Variants in NTAN1 observed in about 807,000 individuals in gnomAD.
The protein encoded by NTAN1 is protein N-terminal asparagine amidohydrolase.
Under a neutral mutation model 41.9 loss-of-function variants are expected in NTAN1, and 32 were observed. The observed-to-expected ratio is 0.76, with a 90% CI of 0.58 to 1.03. The LOEUF (loss-of-function observed/expected upper bound fraction) is 1.03, where lower values mean the gene tolerates loss of function less well. NTAN1 is among the 50% of genes least tolerant of loss of function. The pLI, the probability that NTAN1 is intolerant of heterozygous loss-of-function variation, is 0.00. For missense variants in NTAN1, 377 were observed against 377.5 expected, an observed-to-expected ratio of 1.00 and a Z score of 0.01; for synonymous variants, 140 against 139.5, an observed-to-expected ratio of 1.00 and a Z score of -0.03.
At chr16:15,055,788 A>T (rs1388811217) in intron 1 of NTAN1, 103 bp downstream of exon 1, 1 of 611,180 alleles carries the variant, frequency 1.6e-6, no homozygotes, top group African/African-American at 1.9e-5. Flanking sequence ...CGGATGTGCC[A>T]ACAGCGCCAA....
chr16:15,043,615 C>A (rs1240001841), intron 5 of NTAN1, among the ~76,000 whole-genome samples: 1 of 137,446 alleles, frequency 7.3e-6, no homozygotes, highest in African/African-American at 2.5e-5. Flanking sequence ...GGTGGTTAGT[C>A]AACACACGAC....
chr16:15,041,593 C>G, intron 6 of NTAN1, 30 bp downstream of exon 6: 1 of 1,559,322 alleles, frequency 6.4e-7, no homozygotes, highest in South Asian at 1.1e-5. Flanking sequence ...AGACCCACAT[C>G]TTTGCTTTGG....
intron 7 of NTAN1, 91 bp downstream of exon 7, chr16:15,040,977 C>G: frequency 1.1e-6 from 1 of 883,716 alleles, no homozygotes; most frequent in South Asian, 1.3e-5. Context: ...CTGTCCCATC[C>G]TGACAGCAGT....
intron 5 of NTAN1, among the ~76,000 whole-genome samples, chr16:15,041,898 G>C (rs538899615): frequency 4.2e-4 from 64 of 152,288 alleles, no homozygotes; most frequent in African/African-American, 1.5e-3. Context: ...TCAGCCTCAG[G>C]CCCGAAGGAG....
chr16:15,042,633 C>T (rs1364451180), intron 5 of NTAN1, among the ~76,000 whole-genome samples: 1 of 152,212 alleles, frequency 6.6e-6, no homozygotes, highest in Non-Finnish European at 1.5e-5. Flanking sequence ...TACCGCTCAT[C>T]TTCAGGTTCA....
intron 1 of NTAN1, 141 bp from the exon 2 acceptor site, chr16:15,048,240 A>G (rs2044155435): frequency 1.6e-6 from 1 of 620,470 alleles, no homozygotes; most frequent in African/African-American, 1.8e-5. Context: ...GAGAGGCTCA[A>G]AGAAAAAGGC....
Position 15,038,145 on chromosome 16 carries a change from C to T in NTAN1, c.819G>A (p.Met273Ile), listed in dbSNP as rs1567750002. ...CTGGAGATGGGTGTTTTTTTAAAAA[C>T]ATCAAGGTAGATCTAATATGTTCAA... is the stretch of plus-strand genomic sequence containing the variant. ...HFVEHIRSTLMFLKKHPSPAH... is the reference protein window; with the variant it reads ...HFVEHIRSTLIFLKKHPSPAH... Residue 273 changes from methionine to isoleucine, a missense_variant, in exon 10 of 10, where the codon ATG (methionine) becomes ATA (isoleucine). By Grantham distance (10) the Met-to-Ile change is conservative. Coordinates refer to ENST00000287706, the MANE Select transcript of NTAN1 (RefSeq NM_173474.4). 1.9e-6 allele frequency: 3 copies of T among 1,613,144 alleles called. No individual in the cohort carries two copies. The highest frequency in any genetic ancestry group is 2.5e-6 in the Non-Finnish European group (3 of 1,179,324).
intron 1 of NTAN1, among the ~76,000 whole-genome samples, chr16:15,055,441 G>A (rs542861745): frequency 6.6e-6 from 1 of 152,194 alleles, no homozygotes; most frequent in Non-Finnish European, 1.5e-5. Context: ...CAGGCCAAAC[G>A]CTCTCCGAAG....
intron 6 of NTAN1, 26 bp downstream of exon 6, chr16:15,041,592 TCTTTG>T (rs1555580868): frequency 2.6e-6 from 4 of 1,545,592 alleles, no homozygotes; most frequent in African/African-American, 2.7e-5. Flanking sequence ...GAGACCCACA[TCTTTG>T]CTTTGGGGCA....
At chr16:15,053,296 G>A (rs1175794437) in intron 1 of NTAN1, among the ~76,000 whole-genome samples, 3 of 152,186 alleles carry the variant, frequency 2.0e-5, no homozygotes, top group African/African-American at 7.2e-5. Context: ...GTCCTCATCT[G>A]TAAAATGGGA....
intron 5 of NTAN1, 96 bp from the exon 6 acceptor site, chr16:15,041,772 A>C (rs1443711100): frequency 1.3e-5 from 11 of 877,332 alleles, no homozygotes; most frequent in Non-Finnish European, 2.1e-5. Context: ...GACGGCAGCC[A>C]ACTGAGTGTG....
In NTAN1 at chr16:15,041,657, T is replaced by A. The variant is rs761584490; in HGVS notation, c.453A>T (p.Glu151Asp). 5.0e-6 allele frequency: 8 copies of A among 1,611,458 alleles called. No individual in the cohort carries two copies. The highest frequency in any genetic ancestry group is 2.2e-5 in the East Asian group (1 of 44,870). Residue 151 changes from glutamate to aspartate, a missense_variant, in exon 6 of 10, where the codon GAA (glutamate) becomes GAT (aspartate). Transcript: ENST00000287706. ...HQLLSEFDRQ[E>D]DDIHLVTLCV... ...ATAATGTCACTAAGTGAATGTCATC[T>A]TCTTGCCTGTCAAATTCACCTATGA... is the stretch of plus-strand genomic sequence containing the variant.
chr16:15,047,982 T>TGCTTCCTA lies in NTAN1; in HGVS notation c.184+7_184+14dup. The TGCTTCCTA allele has an allele frequency of 6.2e-7, 1 of 1,606,854 alleles. No individual in the cohort carries two copies. On this transcript the variant is annotated intron_variant, in intron 2 of 9. Coordinates refer to ENST00000287706, the MANE Select transcript of NTAN1 (RefSeq NM_173474.4). The stretch of plus-strand genomic sequence containing the variant: ...CCTTTTGGGATAACGCCCAATTCAC[T>TGCTTCCTA]GCTTCCTAACCTACCATCCTTTGGG...
intron 1 of NTAN1, among the ~76,000 whole-genome samples, chr16:15,054,221 A>G (rs1157966356): frequency 1.3e-5 from 2 of 152,088 alleles, no homozygotes; most frequent in Non-Finnish European, 2.9e-5. Flanking sequence ...CTTCACTTAC[A>G]CTGCCGCAAA....
rs1007965819 is a variant in NTAN1 at position 15,038,102 on chromosome 16, C to T, written c.862G>A (p.Gly288Arg). 4 of 1,612,618 alleles carry T rather than the reference C, an allele frequency of 2.5e-6. No homozygotes were observed. In the African/African-American group the frequency reaches 4.0e-5, roughly 16 times the overall value. The change falls in exon 10 of 10, where the codon GGA (glycine) becomes AGA (arginine). Residue 288 changes from glycine to arginine, a missense_variant. Gly to Arg is a moderately radical substitution (Grantham distance 125). Transcript: ENST00000287706. Reference protein sequence around the residue: ...HPSPAHTLFSGNKALLYKKNE... With the variant: ...HPSPAHTLFSRNKALLYKKNE... ...TTTTTGTAGAGTAGGGCTTTATTTC[C>T]AGAAAACAGTGTGTGAGCTGGAGAT...
chr16:15,048,088 T>A lies in NTAN1; in HGVS notation c.93A>T (p.Arg31Ser), dbSNP rs754647384. ...GTTGAACAGACTGACCTCTGAGAAG[T>A]CTGGCTCTTTCCTGTTTAATTAAAA... ...RAHPPLEERA[R>S]LLRGQSVQQV... is the part of the protein sequence containing the mutation. Residue 31 changes from arginine to serine, a missense_variant, in exon 2 of 10, where the codon AGA becomes AGT. Arg to Ser is a moderately radical substitution (Grantham distance 110, BLOSUM62 -1). Coordinates refer to ENST00000287706, the MANE Select transcript of NTAN1 (RefSeq NM_173474.4). 14 of 1,598,576 alleles carry A rather than the reference T, an allele frequency of 8.8e-6. No individual in the cohort carries two copies. The highest frequency in any genetic ancestry group is 1.7e-5 in the Admixed American group (1 of 58,346).
intron 1 of NTAN1, among the ~76,000 whole-genome samples, chr16:15,053,193 G>C: frequency 6.6e-6 from 1 of 152,244 alleles, no homozygotes; most frequent in African/African-American, 2.4e-5. Flanking sequence ...CAGCTCCAGA[G>C]TCAAGGGCAG....
rs529569319 is a variant in NTAN1, at chr16:15,048,109, TA to T, written c.82-11del. On this transcript the variant is annotated splice_polypyrimidine_tract_variant and intron_variant, in intron 1 of 9. Transcript: ENST00000287706. Reference sequence around the variant, plus strand: ...GAAGTCTGGCTCTTTCCTGTTTAATTAAAAAAAAAATAAAATAGTGATGTAA... The same window carrying T: ...GAAGTCTGGCTCTTTCCTGTTTAATTAAAAAAAAATAAAATAGTGATGTAA... The T allele has an allele frequency of 6.6e-3, 9,136 of 1,381,092 alleles. No homozygotes were observed. Among genetic ancestry groups the T allele is most frequent in the Non-Finnish European group, 7.7e-3 (7,796 of 1,014,452 alleles). 85.6% of individuals were successfully genotyped at this position (1,381,092 alleles called of 1,614,324 possible).
intron 5 of NTAN1, among the ~76,000 whole-genome samples, chr16:15,043,378 CA>C (rs2043912119): frequency 6.6e-6 from 1 of 152,176 alleles, no homozygotes; most frequent in African/African-American, 2.4e-5. Context: ...ACCCTGTCTC[CA>C]CAAAAAATTT....
Sources: gnomAD v4.1 joint callset for allele counts (sites outside exome capture counted in the v4.1 genomes callset) on GRCh38, gnomAD v4.1.1 for gene constraint, MANE v1.5 for transcripts, NCBI Gene and HGNC (gene_info 2026-07-23, HGNC 2026-07-21) for gene names.